ZMAT4: variants seen among roughly 807,000 people sequenced by gnomAD.
ZMAT4 encodes zinc finger matrin-type protein 4.
In ZMAT4, 17 loss-of-function variants were observed where a neutral mutation model predicts 28.7. That is an observed-to-expected ratio of 0.59 (90% CI 0.41 to 0.89). The LOEUF (loss-of-function observed/expected upper bound fraction) is 0.89, where lower values mean the gene tolerates loss of function less well. Among genes scored for constraint, ZMAT4 ranks in the 40% least tolerant of loss-of-function variants. The pLI is 0.00. For missense variants in ZMAT4, 240 were observed against 283.8 expected, an observed-to-expected ratio of 0.85 and a Z score of 1.11; for synonymous variants, 117 against 109.2, an observed-to-expected ratio of 1.07 and a Z score of -0.44.
intron 1 of ZMAT4, among the ~76,000 whole-genome samples, chr8:40,885,982 T>A (rs1818438219): frequency 6.6e-6 from 1 of 152,212 alleles, no homozygotes; most frequent in South Asian, 2.1e-4. Flanking sequence ...GGCTGGGAAC[T>A]GGGTCAGTTT....
chr8:40,641,759 T>C (rs142194832), intron 5 of ZMAT4, among the ~76,000 whole-genome samples: 53 of 152,306 alleles, frequency 3.5e-4, no homozygotes, highest in African/African-American at 1.2e-3. Flanking sequence ...CAATACAGTA[T>C]TTTTAAGTAT....
At chr8:40,610,271 A>G (rs962227824) in intron 5 of ZMAT4, among the ~76,000 whole-genome samples, 1 of 152,190 alleles carries the variant, frequency 6.6e-6, no homozygotes, top group Non-Finnish European at 1.5e-5. Context: ...AAGAAGACCC[A>G]AACAAATTTT....
At chr8:40,838,490 G>A (rs1044518829) in intron 1 of ZMAT4, among the ~76,000 whole-genome samples, 1 of 152,138 alleles carries the variant, frequency 6.6e-6, no homozygotes, top group African/African-American at 2.4e-5. Context: ...CTACAAGTGT[G>A]TGCCACCATG....
chr8:40,588,704 T>C (rs1804752167), intron 5 of ZMAT4, among the ~76,000 whole-genome samples: 1 of 152,038 alleles, frequency 6.6e-6, no homozygotes, highest in Non-Finnish European at 1.5e-5. Flanking sequence ...ATTTGGAAAA[T>C]GGATTGATAG....
At chr8:40,795,770 A>G (rs983803187) in intron 2 of ZMAT4, among the ~76,000 whole-genome samples, 1 of 152,224 alleles carries the variant, frequency 6.6e-6, no homozygotes, top group African/African-American at 2.4e-5. Flanking sequence ...GCAAATTGCA[A>G]ACCGATGACA....
At chr8:40,747,736 A>G (rs1436695226) in intron 3 of ZMAT4, among the ~76,000 whole-genome samples, 1 of 152,164 alleles carries the variant, frequency 6.6e-6, no homozygotes, top group Non-Finnish European at 1.5e-5. Flanking sequence ...CCCCCATTAC[A>G]GTAAGGGATA....
chr8:40,582,341 A>T (rs965212999), intron 5 of ZMAT4, among the ~76,000 whole-genome samples: 4 of 152,206 alleles, frequency 2.6e-5, no homozygotes, highest in African/African-American at 9.7e-5. Flanking sequence ...TCTCAAAAAA[A>T]ATATTTTTAA....
intron 5 of ZMAT4, among the ~76,000 whole-genome samples, chr8:40,655,059 T>TACACACACACACACAC (rs3038823): frequency 0.063 from 9,378 of 148,786 alleles, 532 homozygotes; most frequent in East Asian, 0.32. Flanking sequence ...AAGGAATACC[T>TACACACACACACACAC]ACACACACAC....
intron 3 of ZMAT4, among the ~76,000 whole-genome samples, chr8:40,705,114 A>T (rs1306673832): frequency 1.3e-5 from 2 of 152,242 alleles, no homozygotes; most frequent in African/African-American, 4.8e-5. Context: ...CAGAATGAAG[A>T]TTTCTACTGA....
intron 4 of ZMAT4, among the ~76,000 whole-genome samples, chr8:40,689,297 G>C (rs6998560): frequency 0.98 from 149,855 of 152,360 alleles, 73,746 homozygotes; most frequent in East Asian, 1. Flanking sequence ...TCTGAGCCCT[G>C]TGAGTGGCAC....
chr8:40,659,490 T>C (rs1004836445), intron 5 of ZMAT4, among the ~76,000 whole-genome samples: 3 of 152,208 alleles, frequency 2.0e-5, no homozygotes, highest in African/African-American at 7.2e-5. Flanking sequence ...TGCCCCTGGA[T>C]GCAGAAGTCC....
At chr8:40,829,651 CAT>C (rs992293477) in intron 1 of ZMAT4, among the ~76,000 whole-genome samples, 2 of 152,180 alleles carry the variant, frequency 1.3e-5, no homozygotes, top group Non-Finnish European at 2.9e-5. Context: ...TAAGAAGAGA[CAT>C]ACACACACCA....
At chr8:40,657,997 A>G (rs1174910271) in intron 5 of ZMAT4, among the ~76,000 whole-genome samples, 1 of 152,196 alleles carries the variant, frequency 6.6e-6, no homozygotes, top group East Asian at 1.9e-4. Context: ...TCTTGAGATT[A>G]GATAGTACCT....
chr8:40,844,657 C>CTGTGTGTGTGTG (rs71224857), intron 1 of ZMAT4, among the ~76,000 whole-genome samples: 60 of 142,496 alleles, frequency 4.2e-4, no homozygotes, highest in East Asian at 6.2e-4. Context: ...CTCTCTCATT[C>CTGTGTGTGTGTG]TGTGTGTGTG....
rs148463765 is a variant in ZMAT4 at position 40,726,851 on chromosome 8, G to C, written c.193-29450C>G. Among the ~76,000 whole-genome samples the C allele has an allele frequency of 3.8e-3, 581 of 152,274 alleles. 5 individuals carry two copies. Among genetic ancestry groups the C allele is most frequent in the African/African-American group, 0.013 (548 of 41,564 alleles). On this transcript the variant is annotated intron_variant, in intron 3 of 6. Coordinates refer to ENST00000297737, the MANE Select transcript of ZMAT4 (RefSeq NM_024645.3). ...ACAGAAGAACTTTGCCAACTCTCTT[G>C]GGGGCTTGGGCTAATGCGTTCCGCT...
intron 3 of ZMAT4, among the ~76,000 whole-genome samples, chr8:40,758,428 T>A (rs1812785429): frequency 6.6e-6 from 1 of 152,176 alleles, no homozygotes; most frequent in South Asian, 2.1e-4. Flanking sequence ...GTTATCATTA[T>A]CCCTTTCAAA....
At chr8:40,822,677 C>T (rs1269180266) in intron 2 of ZMAT4, among the ~76,000 whole-genome samples, 1 of 152,194 alleles carries the variant, frequency 6.6e-6, no homozygotes, top group Non-Finnish European at 1.5e-5. Flanking sequence ...TATCCTCAGT[C>T]CTGACTGTGC....
At chr8:40,895,732 G>C (rs532966981) in intron 1 of ZMAT4, among the ~76,000 whole-genome samples, 1 of 152,060 alleles carries the variant, frequency 6.6e-6, no homozygotes, top group South Asian at 2.1e-4. Flanking sequence ...CCAACAGATT[G>C]GCATCAATTA....
chr8:40,638,218 T>C (rs1196478585), intron 5 of ZMAT4, among the ~76,000 whole-genome samples: 1 of 152,206 alleles, frequency 6.6e-6, no homozygotes, highest in Non-Finnish European at 1.5e-5. Context: ...ATTTTGAATG[T>C]TCCCACCCCA....
Sources: gnomAD v4.1 joint callset for allele counts (sites outside exome capture counted in the v4.1 genomes callset) on GRCh38, gnomAD v4.1.1 for gene constraint, MANE v1.5 for transcripts, NCBI Gene and HGNC (gene_info 2026-07-23, HGNC 2026-07-21) for gene names.